Variants in KEAP1 observed in about 807,000 individuals in gnomAD.
KEAP1 encodes the protein kelch-like ECH-associated protein 1.
KEAP1 carries 26 observed loss-of-function variants against 59.7 expected under a neutral mutation model. That is an observed-to-expected ratio of 0.44 (90% CI 0.32 to 0.60). The LOEUF (loss-of-function observed/expected upper bound fraction) is 0.60, where lower values mean the gene tolerates loss of function less well. KEAP1 is among the 20% of genes least tolerant of loss of function. The pLI is 0.06. For missense variants in KEAP1, 539 were observed against 871.4 expected (o/e 0.62, Z 4.80); for synonymous variants, 350 against 358.3 (o/e 0.98, Z 0.26).
Position 10,499,777 on chromosome 19 carries a change from T to C in KEAP1, c.257A>G (p.Gln86Arg). The change falls in exon 2 of 6, where the codon CAG becomes CGG. Residue 86 changes from glutamine to arginine, a missense_variant. Physicochemically the swap from Gln to Arg is conservative, Grantham distance 43 (BLOSUM62 1). Transcript: ENST00000171111. This position sits in a 1 kb window ranked among gnomAD's most constrained non-coding sequence, Gnocchi z 6.7. ...CATGAACTGGGCGGCCGGTGCATCC[T>C]GGTACTTGACCTGCAGTGTGACGTC... is the stretch of plus-strand genomic sequence containing the variant. ...LCDVTLQVKYQDAPAAQFMAH... is the reference protein window; with the variant it reads ...LCDVTLQVKYRDAPAAQFMAH... 6.2e-7 allele frequency: 1 copy of C among 1,614,124 alleles called. No homozygotes were observed. Among genetic ancestry groups the C allele is most frequent in the Non-Finnish European group, 8.5e-7 (1 of 1,180,028 alleles).
In KEAP1 at chr19:10,486,272, GC is replaced by G. The variant is rs1050729962; in HGVS notation, c.*379del. ...CCTGGGAACCACATTTCCAGAGGGGGCCTCCCCCTGAGGCCCCCATTGGCCC... is the reference window on the plus strand; with the variant it reads ...CCTGGGAACCACATTTCCAGAGGGGGCTCCCCCTGAGGCCCCCATTGGCCC... On this transcript the variant is annotated 3_prime_UTR_variant, in exon 6 of 6. Transcript: ENST00000171111. 4 of 251,784 alleles carry G rather than the reference GC, an allele frequency of 1.6e-5. No homozygotes were observed. Among genetic ancestry groups the G allele is most frequent in the Non-Finnish European group, 2.3e-5 (3 of 130,452 alleles). 15.6% of individuals were successfully genotyped at this position (251,784 alleles called of 1,614,324 possible). A position where few individuals can be genotyped will look rare whatever the true frequency, so the allele number is the denominator to read the frequency against.
chr19:10,489,203 AT>A lies in KEAP1; in HGVS notation c.1696del (p.Ile566SerfsTer29), dbSNP rs1330849622. On this transcript the variant is annotated frameshift_variant, in exon 5 of 6. Coordinates refer to ENST00000171111, the MANE Select transcript of KEAP1 (RefSeq NM_203500.2). LOFTEE classifies it high-confidence loss of function. Reference sequence around the variant, plus strand: ...CCCCAGGGCCTCACCAAGGACGTAGATTCTCCCCTGGTGGACAGTGATCCCC... The same window carrying A: ...CCCCAGGGCCTCACCAAGGACGTAGATCTCCCCTGGTGGACAGTGATCCCC... ...ALGITVHQGR[I>X]YVLGGYDGHT... is the part of the protein sequence containing the mutation. 1 of 1,611,740 alleles carries A rather than the reference AT, an allele frequency of 6.2e-7. No homozygotes were observed. The highest frequency in any genetic ancestry group is 1.1e-5 in the South Asian group (1 of 90,960).
At chr19:10,487,391 T>C (rs1914501304) in intron 5 of KEAP1, among the ~76,000 whole-genome samples, 1 of 152,114 alleles carries the variant, frequency 6.6e-6, no homozygotes, top group African/African-American at 2.4e-5. Context: ...TCGCGGTGGC[T>C]CATGCCTGCA....
intron 2 of KEAP1, among the ~76,000 whole-genome samples, chr19:10,496,182 C>T (rs1378612702): frequency 7.4e-6 from 1 of 135,062 alleles, no homozygotes; most frequent in Admixed American, 7.6e-5. Flanking sequence ...GAGTGAGACC[C>T]TGTCTCTAAA....
chr19:10,488,569 G>T (rs1308664202), intron 5 of KEAP1, among the ~76,000 whole-genome samples: 1 of 151,546 alleles, frequency 6.6e-6, no homozygotes, highest in East Asian at 1.9e-4. Context: ...CTGAGATCGT[G>T]CCATTGCACT....
At chr19:10,488,584 C>G (rs1914550604) in intron 5 of KEAP1, among the ~76,000 whole-genome samples, 1 of 150,828 alleles carries the variant, frequency 6.6e-6, no homozygotes, top group Non-Finnish European at 1.5e-5. Flanking sequence ...TGCACTCCAG[C>G]CTGGCAACAG....
Position 10,498,874 on chromosome 19 carries a change from T to A in KEAP1, c.639+521A>T, listed in dbSNP as rs11880062. 3.6e-3 allele frequency among the ~76,000 whole-genome samples: 554 copies of A among 151,804 alleles called. 3 individuals are homozygous for A. The highest frequency in any genetic ancestry group is 0.013 in the African/African-American group (532 of 41,352). On this transcript the variant is annotated intron_variant, in intron 2 of 5. Transcript: ENST00000171111. ...TTTTTGAAACTGAGTCTTGCTCTGT[T>A]GCGCAAGCTGGAGTGCAGTGGCTCG...
chr19:10,497,060 G>A (rs1914875178), intron 2 of KEAP1, among the ~76,000 whole-genome samples: 1 of 150,672 alleles, frequency 6.6e-6, no homozygotes, highest in South Asian at 2.1e-4. Flanking sequence ...GGAGATGGAG[G>A]TTGCAGTGAG....
chr19:10,492,486 A>T, intron 2 of KEAP1: 1 of 533,270 alleles, frequency 1.9e-6, no homozygotes, highest in Non-Finnish European at 3.4e-6. Flanking sequence ...TGGGAGGCCG[A>T]GGCTGGCGGA....
At chr19:10,489,487 C>A in intron 4 of KEAP1, 119 bp from the exon 5 acceptor site, 1 of 1,262,928 alleles carries the variant, frequency 7.9e-7, no homozygotes, top group South Asian at 1.4e-5. Context: ...AGAAATGAAG[C>A]GGGGAGAGAG....
At position 10,491,522 on chromosome 19, in the gene KEAP1, T is replaced by C; in HGVS notation, c.1325+55A>G. On this transcript the variant is annotated intron_variant, in intron 3 of 5. Transcript: ENST00000171111. This position sits in a 1 kb window ranked among gnomAD's most constrained non-coding sequence, Gnocchi z 5.2. ...GAAGAATACCCGGATCTCAGTGTCT[T>C]GGGACTTGCCAGGAGCAGGACCCTC... 5.7e-6 allele frequency: 8 copies of C among 1,412,686 alleles called. No homozygotes were observed. The highest frequency in any genetic ancestry group is 5.6e-6 in the Non-Finnish European group (6 of 1,063,020). The allele number at this position is 1,412,686 out of a possible 1,614,324, so 87.5% of individuals were successfully genotyped here.
At position 10,491,788 on chromosome 19, in the gene KEAP1, C is replaced by T. The variant is rs775901614; in HGVS notation, c.1114G>A (p.Gly372Arg). Residue 372 changes from glycine to arginine, a missense_variant, in exon 3 of 6, where the codon GGG (glycine) becomes AGG (arginine). Transcript: ENST00000171111. The surrounding 1 kb of genome is among the most constrained non-coding windows in gnomAD (Gnocchi z 5.2). ...CTGCCGCCCACGGCGTACAACAGCC[C>T]GCCCACCACGCAGCCGGCCAGGCCG... Reference protein sequence around the residue: ...RSGLAGCVVGGLLYAVGGRNN... With the variant: ...RSGLAGCVVGRLLYAVGGRNN... 5.0e-6 allele frequency: 8 copies of T among 1,585,758 alleles called. No individual in the cohort carries two copies. The highest frequency in any genetic ancestry group is 1.7e-4 in the Middle Eastern group (1 of 6,024).
chr19:10,492,130 C>T lies in KEAP1; in HGVS notation c.772G>A (p.Glu258Lys), dbSNP rs374324474. The change falls in exon 3 of 6, where the codon GAA becomes AAA. Residue 258 changes from glutamate (E) to lysine (K), a missense_variant. Around this residue, in one of 4 missense-constraint regions of KEAP1, gnomAD observed 61 missense variants for 129.9 expected, o/e 0.47. Coordinates refer to ENST00000171111, the MANE Select transcript of KEAP1 (RefSeq NM_203500.2). ...ACINWVKYDC[E>K]QRRFYVQALL... is the part of the protein sequence containing the mutation. Reference sequence around the variant, plus strand: ...GCCTGGACGTAGAACCGTCGCTGTTCGCAGTCGTACTTGACCCAGTTGATG... The same window carrying T: ...GCCTGGACGTAGAACCGTCGCTGTTTGCAGTCGTACTTGACCCAGTTGATG... 3 of 1,614,016 alleles carry T rather than the reference C, an allele frequency of 1.9e-6. No individual in the cohort carries two copies. The highest frequency in any genetic ancestry group is 2.5e-6 in the Non-Finnish European group (3 of 1,180,050).
At chr19:10,487,695 A>T (rs867336472) in intron 5 of KEAP1, among the ~76,000 whole-genome samples, 20 of 151,872 alleles carry the variant, frequency 1.3e-4, no homozygotes, top group Admixed American at 1.1e-3. Flanking sequence ...ATAAAAAAAT[A>T]AAAATAAAAT....
chr19:10,489,949 T>TC lies in KEAP1; in HGVS notation c.1326-97dup, dbSNP rs1568397381. ...ATACTCTTTTTTTTCCTTTTTTTTT[T>TC]CCCCCTTAAAGAGACAGGTTCATCC... is the stretch of plus-strand genomic sequence containing the variant. On this transcript the variant is annotated intron_variant, in intron 3 of 5. Transcript: ENST00000171111. 89 of 1,220,828 alleles carry TC rather than the reference T, an allele frequency of 7.3e-5. 1 individual carries two copies. The South Asian group carries it at 1.2e-3, about 16-fold the overall frequency. The allele number at this position is 1,220,828 out of a possible 1,614,324, so 75.6% of individuals were successfully genotyped here. A position where few individuals can be genotyped will look rare whatever the true frequency, so the allele number is the denominator to read the frequency against.
In KEAP1 at chr19:10,489,693, C is replaced by G. The variant is rs549967865; in HGVS notation, c.1486G>C (p.Glu496Gln). ...TTCATTGCTGTGATCATTCGCCACT[C>G]GTTCCTCTCTGGGTAGTAACACTCA... Reference protein sequence around the residue: ...SAECYYPERNEWRMITAMNTI... With the variant: ...SAECYYPERNQWRMITAMNTI... The change falls in exon 4 of 6, where the codon GAG (glutamate) becomes CAG (glutamine). Residue 496 changes from glutamate to glutamine, a missense_variant. Coordinates refer to ENST00000171111, the MANE Select transcript of KEAP1 (RefSeq NM_203500.2). 6.2e-7 allele frequency: 1 copy of G among 1,613,998 alleles called. No individual in the cohort carries two copies. The highest frequency in any genetic ancestry group is 8.5e-7 in the Non-Finnish European group (1 of 1,180,002).
intron 3 of KEAP1, 86 bp from the exon 4 acceptor site, chr19:10,489,939 C>CTTT: frequency 8.5e-7 from 1 of 1,178,836 alleles, no homozygotes. Flanking sequence ...CTTTTTTTTC[C>CTTT]TTTTTTTTTT....
chr19:10,501,602 C>T (rs996902555), intron 1 of KEAP1, among the ~76,000 whole-genome samples: 2 of 152,066 alleles, frequency 1.3e-5, no homozygotes, highest in African/African-American at 4.8e-5. Flanking sequence ...TGCATTCCAG[C>T]CTGGGTGACA....
At chr19:10,496,124 G>T (rs1914837690) in intron 2 of KEAP1, among the ~76,000 whole-genome samples, 1 of 148,152 alleles carries the variant, frequency 6.7e-6, no homozygotes, top group Non-Finnish European at 1.5e-5. Flanking sequence ...AGGAGCTGGA[G>T]TTTGTGATAA....
Sources: allele counts gnomAD v4.1 joint callset (sites outside exome capture counted in the v4.1 genomes callset), GRCh38; gene constraint gnomAD v4.1.1; regional missense constraint gnomAD v4.1.1; non-coding constraint Gnocchi (gnomAD v3.1); transcripts MANE v1.5; gene names NCBI Gene and HGNC (gene_info 2026-07-23, HGNC 2026-07-21).